The following LRP1B variants were observed in gnomAD, a reference collection of about 807,000 sequenced individuals.
LRP1B encodes low-density lipoprotein receptor-related protein 1B.
LRP1B carries 217 observed loss-of-function variants against 556.6 expected under a neutral mutation model. The ratio of observed to expected loss-of-function variants is 0.39; its 90% CI spans 0.35 to 0.44. LRP1B has a LOEUF of 0.44. LRP1B is among the 20% of genes least tolerant of loss of function. The pLI is 1.00. For missense variants in LRP1B, 5,053 were observed against 5,620.8 expected (o/e 0.90, Z 3.23); for synonymous variants, 2,047 against 1,865.8 (o/e 1.10, Z -2.50).
intron 2 of LRP1B, among the ~76,000 whole-genome samples, chr2:141,561,496 C>T (rs1460306872): frequency 6.6e-6 from 1 of 151,792 alleles, no homozygotes; most frequent in Non-Finnish European, 1.5e-5. Flanking sequence ...TTTAAACATC[C>T]TGTCTCTGTG....
chr2:140,357,819 A>G (rs1402045289), intron 74 of LRP1B, among the ~76,000 whole-genome samples, 160 bp downstream of exon 74: 1 of 151,642 alleles, frequency 6.6e-6, no homozygotes, highest in Non-Finnish European at 1.5e-5. Context: ...TTCTGAAATT[A>G]AGTAATATTC....
chr2:141,713,300 G>C (rs1234650313), intron 2 of LRP1B, among the ~76,000 whole-genome samples: 1 of 152,062 alleles, frequency 6.6e-6, no homozygotes, highest in Non-Finnish European at 1.5e-5. Context: ...TGAATCTTAA[G>C]TCCAAAGGCC....
chr2:140,918,950 CT>C (rs1257806782), intron 21 of LRP1B, among the ~76,000 whole-genome samples: 1 of 151,930 alleles, frequency 6.6e-6, no homozygotes, highest in Non-Finnish European at 1.5e-5. Context: ...CATTTTCCAC[CT>C]TTTCCTATTG....
chr2:141,544,355 C>CTTTTCTTCTT (rs1225373617), intron 2 of LRP1B, among the ~76,000 whole-genome samples: 5 of 95,974 alleles, frequency 5.2e-5, no homozygotes, highest in African/African-American at 1.8e-4. Flanking sequence ...TCTTCTTCTT[C>CTTTTCTTCTT]TTCTTCTTCT....
chr2:140,969,017 G>T (rs1696325090), intron 18 of LRP1B, among the ~76,000 whole-genome samples: 1 of 152,208 alleles, frequency 6.6e-6, no homozygotes, highest in African/African-American at 2.4e-5. Context: ...TTGATTTGGG[G>T]TGGAGAGTTC....
chr2:141,682,696 GTTTT>G (rs1691147674), intron 2 of LRP1B, among the ~76,000 whole-genome samples: 1 of 152,040 alleles, frequency 6.6e-6, no homozygotes, highest in South Asian at 2.1e-4. Flanking sequence ...GGATAGAAGG[GTTTT>G]CTTACATAAC....
chr2:141,248,332 A>G (rs965629469), intron 4 of LRP1B, among the ~76,000 whole-genome samples: 2 of 152,190 alleles, frequency 1.3e-5, no homozygotes, highest in Admixed American at 1.3e-4. Flanking sequence ...CCCCTGAGTA[A>G]GACGAGTCTA....
chr2:140,850,777 T>C (rs1692433853), intron 28 of LRP1B, among the ~76,000 whole-genome samples: 1 of 152,182 alleles, frequency 6.6e-6, no homozygotes, highest in African/African-American at 2.4e-5. Flanking sequence ...GTATATATTT[T>C]TCCTATAAAA....
intron 3 of LRP1B, among the ~76,000 whole-genome samples, chr2:141,263,068 A>G (rs1046758078): frequency 6.6e-5 from 10 of 151,886 alleles, no homozygotes; most frequent in African/African-American, 2.4e-4. Flanking sequence ...TAAATTTTTC[A>G]TGAGTTCCCT....
chr2:141,302,236 A>G (rs78420873), intron 3 of LRP1B, among the ~76,000 whole-genome samples: 18,251 of 152,064 alleles, frequency 0.12, 1,441 homozygotes, highest in African/African-American at 0.21. Flanking sequence ...ATATATAAAT[A>G]ATAGCAATAC....
chr2:140,604,120 T>A (rs889577707), intron 41 of LRP1B, among the ~76,000 whole-genome samples: 2 of 151,002 alleles, frequency 1.3e-5, no homozygotes, highest in African/African-American at 4.9e-5. Context: ...TTGAGCAGAG[T>A]AAATCAATAC....
At position 141,042,119 on chromosome 2, in the gene LRP1B, G is replaced by A. The variant is rs544343100; in HGVS notation, c.1789+6867C>T. 2.0e-5 allele frequency among the ~76,000 whole-genome samples: 3 copies of A among 152,176 alleles called. No homozygotes were observed. The East Asian group carries it at 5.8e-4, about 30-fold the overall frequency. ...TCTCTCACATTTCTGTCCACCTTGGGAAAAGAGAAGCCAAGTGCCTTAGAC... is the reference window on the plus strand; with the variant it reads ...TCTCTCACATTTCTGTCCACCTTGGAAAAAGAGAAGCCAAGTGCCTTAGAC... On this transcript the variant is annotated intron_variant, in intron 11 of 90. Transcript: ENST00000389484.
At chr2:141,350,374 G>A (rs1294085091) in intron 3 of LRP1B, among the ~76,000 whole-genome samples, 4 of 152,060 alleles carry the variant, frequency 2.6e-5, no homozygotes, top group African/African-American at 9.7e-5. Context: ...GGAGACTGAA[G>A]AGAAAGTAAC....
chr2:141,211,624 T>C (rs938632781), intron 6 of LRP1B, among the ~76,000 whole-genome samples: 12 of 151,608 alleles, frequency 7.9e-5, no homozygotes, highest in Admixed American at 3.3e-4. Flanking sequence ...CTCAGAAAAA[T>C]AAAATAAAAT....
In LRP1B at chr2:141,725,593, T is replaced by A. The variant is rs535178764; in HGVS notation, c.205+84686A>T. Among the ~76,000 whole-genome samples, 246 of 152,058 alleles carry A rather than the reference T, an allele frequency of 1.6e-3. 3 individuals carry two copies. Among genetic ancestry groups the A allele is most frequent in the Non-Finnish European group, 2.7e-3 (181 of 67,838 alleles). The stretch of plus-strand genomic sequence containing the variant: ...CAATTTGGGAAGGATTTTTTAAAAA[T>A]CAGTCTTTTGAATACATATAGGAAT... On this transcript the variant is annotated intron_variant, in intron 2 of 90. Transcript: ENST00000389484.
intron 25 of LRP1B, among the ~76,000 whole-genome samples, chr2:140,875,188 C>T (rs1693267385): frequency 6.6e-6 from 1 of 152,068 alleles, no homozygotes; most frequent in Admixed American, 6.6e-5. Flanking sequence ...GGAACTATCA[C>T]AGAAGAGGTG....
chr2:140,521,765 A>G (rs1323559967), intron 49 of LRP1B, among the ~76,000 whole-genome samples: 1 of 152,130 alleles, frequency 6.6e-6, no homozygotes, highest in Non-Finnish European at 1.5e-5. Flanking sequence ...TCCTTCTGCC[A>G]TCTTCAAGAG....
At chr2:140,642,754 G>A (rs1359423386) in intron 41 of LRP1B, among the ~76,000 whole-genome samples, 1 of 152,170 alleles carries the variant, frequency 6.6e-6, no homozygotes, top group East Asian at 1.9e-4. Context: ...TGAGGCAGGA[G>A]AATGGCGTGA....
At chr2:141,281,620 T>G (rs1685512024) in intron 3 of LRP1B, among the ~76,000 whole-genome samples, 1 of 152,070 alleles carries the variant, frequency 6.6e-6, no homozygotes, top group South Asian at 2.1e-4. Context: ...AGAGTCAGTA[T>G]ATTGTTAAAC....
Sources: allele counts gnomAD v4.1 joint callset (sites outside exome capture counted in the v4.1 genomes callset), GRCh38; gene constraint gnomAD v4.1.1; transcripts MANE v1.5; gene names NCBI Gene and HGNC (gene_info 2026-07-23, HGNC 2026-07-21).